ARMC8: variants seen among roughly 807,000 people sequenced by gnomAD.
The protein encoded by ARMC8 is armadillo repeat containing 8.
In ARMC8, 20 loss-of-function variants were observed where a neutral mutation model predicts 99.3. The observed-to-expected ratio is 0.20, with a 90% CI of 0.14 to 0.29. The LOEUF (loss-of-function observed/expected upper bound fraction) is 0.29, where lower values mean the gene tolerates loss of function less well. Among genes scored for constraint, ARMC8 ranks in the 10% least tolerant of loss-of-function variants. The pLI is 1.00. For missense variants in ARMC8, 569 were observed against 809.5 expected (o/e 0.70, Z 3.60); for synonymous variants, 263 against 278.3 (o/e 0.95, Z 0.55).
intron 2 of ARMC8, among the ~76,000 whole-genome samples, chr3:138,216,496 C>T (rs2045050648): frequency 6.6e-6 from 1 of 152,122 alleles, no homozygotes; most frequent in African/African-American, 2.4e-5. Flanking sequence ...TACCTCATTC[C>T]TTAACCATGC....
Position 138,297,088 on chromosome 3 carries a change from T to C in ARMC8, c.*1196T>C, listed in dbSNP as rs1263237317. ...TGTTAGCTGTATTCAGCAAATTTCA[T>C]ACTAGTTGCTCAGGACTGCTAGTTG... On this transcript the variant is annotated 3_prime_UTR_variant, in exon 22 of 22. Transcript: ENST00000469044. 1 of 152,244 alleles carries C rather than the reference T, an allele frequency of 6.6e-6. No individual in the cohort carries two copies. Among genetic ancestry groups the C allele is most frequent in the Non-Finnish European group, 1.5e-5 (1 of 68,042 alleles). 9.4% of individuals were successfully genotyped at this position (152,244 alleles called of 1,614,324 possible). A position where few individuals can be genotyped will look rare whatever the true frequency, so the allele number is the denominator to read the frequency against.
Position 138,287,820 on chromosome 3 carries a change from ACT to A in ARMC8, c.1822-1222_1822-1221del, listed in dbSNP as rs1290073633. On this transcript the variant is annotated intron_variant, in intron 19 of 21. Transcript: ENST00000469044. ...CCATTGAGCATATTTTGCCATTGAT[ACT>A]CTCTCAGATGTGCATAAATTATTTG... 6 of 369,864 alleles carry A rather than the reference ACT, an allele frequency of 1.6e-5. No homozygotes were observed. The East Asian group carries it at 4.4e-4, about 27-fold the overall frequency. The allele number at this position is 369,864 out of a possible 1,614,324, so 22.9% of individuals were successfully genotyped here. A position where few individuals can be genotyped will look rare whatever the true frequency, so the allele number is the denominator to read the frequency against.
chr3:138,269,820 CTTTTT>C (rs77095833), intron 15 of ARMC8, among the ~76,000 whole-genome samples: 1 of 121,692 alleles, frequency 8.2e-6, no homozygotes, highest in Non-Finnish European at 1.7e-5. Context: ...TGTTTTCTTT[CTTTTT>C]TTTTTTTTTT....
At chr3:138,190,827 T>C (rs1302498306) in intron 1 of ARMC8, among the ~76,000 whole-genome samples, 1 of 152,212 alleles carries the variant, frequency 6.6e-6, no homozygotes, top group Non-Finnish European at 1.5e-5. Flanking sequence ...CCTCTGTCCT[T>C]TTGGAAATGT....
intron 18 of ARMC8, among the ~76,000 whole-genome samples, chr3:138,275,400 A>G (rs2049184601): frequency 6.6e-6 from 1 of 152,328 alleles, no homozygotes; most frequent in East Asian, 1.9e-4. Flanking sequence ...TACTAAAAAA[A>G]TACAAAAAAT....
chr3:138,273,160 A>G, intron 17 of ARMC8, 44 bp downstream of exon 17: 1 of 1,569,842 alleles, frequency 6.4e-7, no homozygotes, highest in Non-Finnish European at 8.7e-7. Flanking sequence ...AGCCCTGCAT[A>G]TGCATTGCAA....
intron 12 of ARMC8, among the ~76,000 whole-genome samples, chr3:138,248,952 A>G (rs1219984003): frequency 1.3e-5 from 2 of 152,214 alleles, no homozygotes; most frequent in Non-Finnish European, 2.9e-5. Flanking sequence ...TTCTGCTTCA[A>G]TTTGAATACG....
intron 18 of ARMC8, among the ~76,000 whole-genome samples, chr3:138,279,054 A>C (rs149531301): frequency 6.6e-6 from 1 of 152,216 alleles, no homozygotes; most frequent in Non-Finnish European, 1.5e-5. Flanking sequence ...TAGAACTTGC[A>C]GTGTAATGAG....
intron 7 of ARMC8, among the ~76,000 whole-genome samples, chr3:138,236,303 G>A (rs756655235): frequency 6.6e-6 from 1 of 152,162 alleles, no homozygotes; most frequent in Non-Finnish European, 1.5e-5. Context: ...CCATGCAAAG[G>A]CTAAACCAGT....
chr3:138,195,008 C>T (rs1034202815), intron 1 of ARMC8, among the ~76,000 whole-genome samples: 1 of 152,096 alleles, frequency 6.6e-6, no homozygotes, highest in African/African-American at 2.4e-5. Context: ...GGTGCAGTGG[C>T]TCACACCTGT....
Position 138,270,048 on chromosome 3 carries a change from G to T in ARMC8, c.1395G>T (p.Leu465Phe). The change falls in exon 16 of 22, where the codon TTG becomes TTT. Residue 465 changes from leucine (L) to phenylalanine (F), a missense_variant. Leu to Phe is a conservative substitution (Grantham distance 22, BLOSUM62 0). Coordinates refer to ENST00000469044, the MANE Select transcript of ARMC8 (RefSeq NM_001363941.2). ...TCCCTGTCCAATGGCAGCCAATTTTGGAATCAGGAGCCGTAGAGCTACTTT... is the reference window on the plus strand; with the variant it reads ...TCCCTGTCCAATGGCAGCCAATTTTTGAATCAGGAGCCGTAGAGCTACTTT... ...LEFSPSKEPI[L>F]ESGAVELLCG... 1 of 1,611,842 alleles carries T rather than the reference G, an allele frequency of 6.2e-7. No individual in the cohort carries two copies. The highest frequency in any genetic ancestry group is 1.1e-5 in the South Asian group (1 of 90,886).
intron 12 of ARMC8, among the ~76,000 whole-genome samples, chr3:138,255,347 C>T (rs913210933): frequency 4.6e-5 from 7 of 151,806 alleles, no homozygotes; most frequent in East Asian, 3.9e-4. Context: ...GGACTACAGG[C>T]GCCTGCAACC....
intron 14 of ARMC8, among the ~76,000 whole-genome samples, chr3:138,264,636 T>C (rs937721726): frequency 2.0e-5 from 3 of 151,738 alleles, no homozygotes; most frequent in African/African-American, 7.3e-5. Context: ...GTCAGGCTGG[T>C]CTTGAACTCC....
intron 15 of ARMC8, among the ~76,000 whole-genome samples, chr3:138,269,225 A>T (rs2048556775): frequency 6.6e-6 from 1 of 152,220 alleles, no homozygotes; most frequent in Non-Finnish European, 1.5e-5. Context: ...TACAGTTGAG[A>T]AATGTATACC....
chr3:138,192,411 G>A (rs2043444427), intron 1 of ARMC8, among the ~76,000 whole-genome samples: 1 of 151,390 alleles, frequency 6.6e-6, no homozygotes, highest in Non-Finnish European at 1.5e-5. Context: ...CTCAGTAGCT[G>A]GGACTACAGG....
intron 1 of ARMC8, among the ~76,000 whole-genome samples, chr3:138,196,155 G>T (rs2043723925): frequency 6.6e-6 from 1 of 152,118 alleles, no homozygotes; most frequent in African/African-American, 2.4e-5. Flanking sequence ...GTGATTGATG[G>T]GATAAGGGAG....
At chr3:138,203,684 G>A (rs2044203152) in intron 1 of ARMC8, among the ~76,000 whole-genome samples, 1 of 152,238 alleles carries the variant, frequency 6.6e-6, no homozygotes. Context: ...GTGAGGGATT[G>A]CACGAGGGCG....
intron 12 of ARMC8, among the ~76,000 whole-genome samples, chr3:138,250,722 C>T (rs1036850013): frequency 4.6e-5 from 7 of 152,170 alleles, no homozygotes; most frequent in Middle Eastern, 3.2e-3. Context: ...ATCATTCATA[C>T]AAAACCATAT....
intron 1 of ARMC8, among the ~76,000 whole-genome samples, chr3:138,199,363 C>T (rs889651930): frequency 2.0e-5 from 3 of 152,100 alleles, no homozygotes; most frequent in Non-Finnish European, 4.4e-5. Flanking sequence ...TGGGAATTTT[C>T]TTCTGATTTT....
Sources: allele counts gnomAD v4.1 joint callset (sites outside exome capture counted in the v4.1 genomes callset), GRCh38; gene constraint gnomAD v4.1.1; transcripts MANE v1.5; gene names NCBI Gene and HGNC (gene_info 2026-07-23, HGNC 2026-07-21).